TUB: variants seen among roughly 807,000 people sequenced by gnomAD.
TUB encodes TUB bipartite transcription factor.
Under a neutral mutation model 59.7 loss-of-function variants are expected in TUB, and 33 were observed. The observed-to-expected ratio is 0.55, with a 90% CI of 0.42 to 0.74. TUB has a LOEUF of 0.74. Among genes scored for constraint, TUB ranks in the 30% least tolerant of loss-of-function variants. The probability of loss-of-function intolerance (pLI) is 0.00; values close to 1 mark genes in which losing one functional copy is unlikely to be tolerated. For missense variants in TUB, 659 were observed against 672.0 expected (o/e 0.98, Z 0.21); for synonymous variants, 293 against 256.4 (o/e 1.14, Z -1.36).
chr11:8,101,553 G>A lies in TUB; in HGVS notation c.1455G>A (p.Pro485=), dbSNP rs147880022. The change falls in exon 12 of 12, where the codon CCG becomes CCA. Residue 485 remains proline, a synonymous_variant. Coordinates refer to ENST00000299506, the MANE Select transcript of TUB (RefSeq NM_177972.3). The part of the protein sequence containing the change: ...EDVFTMDYNY[P]LCALQAFAIA... ...TGTTCACCATGGATTACAACTACCC[G>A]CTGTGTGCACTGCAGGCCTTTGCCA... 441 of 1,614,238 alleles carry A rather than the reference G, an allele frequency of 2.7e-4. No homozygotes were observed. Among genetic ancestry groups the A allele is most frequent in the South Asian group, 1.7e-3 (151 of 91,084 alleles).
chr11:8,040,983 C>T (rs1176975613), intron 2 of TUB, among the ~76,000 whole-genome samples: 1 of 152,206 alleles, frequency 6.6e-6, no homozygotes, highest in African/African-American at 2.4e-5. Flanking sequence ...AGAATTAGAA[C>T]GCAGGCCACC....
At chr11:8,075,563 T>C (rs940731927) in intron 2 of TUB, 2 of 152,232 alleles carry the variant, frequency 1.3e-5, no homozygotes, top group East Asian at 1.9e-4. Context: ...GCAAACTTTA[T>C]TTTTGTCTCC....
intron 2 of TUB, among the ~76,000 whole-genome samples, chr11:8,045,304 T>C (rs1044191562): frequency 6.6e-6 from 1 of 152,230 alleles, no homozygotes; most frequent in Non-Finnish European, 1.5e-5. Flanking sequence ...AGAAGCTCTG[T>C]GTCAAGAACT....
At chr11:8,093,953 A>G (rs1196893274) in intron 3 of TUB, 93 bp from the exon 4 acceptor site, 18 of 1,531,886 alleles carry the variant, frequency 1.2e-5, no homozygotes, top group East Asian at 1.1e-4. Flanking sequence ...GGTGCAGTCA[A>G]AAATGCTGTG....
chr11:8,073,237 G>C (rs1430266996), intron 2 of TUB, among the ~76,000 whole-genome samples: 1 of 152,174 alleles, frequency 6.6e-6, no homozygotes, highest in Non-Finnish European at 1.5e-5. Flanking sequence ...TGGCTCTAGA[G>C]TCTGATATTT....
intron 2 of TUB, among the ~76,000 whole-genome samples, chr11:8,056,376 G>T (rs1364885206): frequency 2.6e-5 from 4 of 152,144 alleles, no homozygotes; most frequent in African/African-American, 7.2e-5. Flanking sequence ...GCGTGGGGGT[G>T]GCATGAGTGT....
At chr11:8,091,784 A>C (rs1400173769) in intron 3 of TUB, among the ~76,000 whole-genome samples, 4 of 152,062 alleles carry the variant, frequency 2.6e-5, no homozygotes, top group African/African-American at 9.7e-5. Flanking sequence ...CCCCAGCCCC[A>C]CCCTTTGCTG....
intron 1 of TUB, among the ~76,000 whole-genome samples, chr11:8,024,211 C>T (rs545538628): frequency 6.6e-6 from 1 of 152,346 alleles, no homozygotes; most frequent in South Asian, 2.1e-4. Flanking sequence ...TATTCCCTCA[C>T]GTATGCTCAG....
intron 9 of TUB, among the ~76,000 whole-genome samples, chr11:8,099,671 A>C (rs1108277): frequency 0.48 from 72,716 of 152,160 alleles, 20,020 homozygotes; most frequent in Middle Eastern, 0.66. Context: ...CAGTGAAGTA[A>C]GTATGTTCTT....
chr11:8,024,108 C>T (rs985828648), intron 1 of TUB, among the ~76,000 whole-genome samples: 1 of 152,244 alleles, frequency 6.6e-6, no homozygotes, highest in African/African-American at 2.4e-5. Flanking sequence ...AAGGTGTCTG[C>T]CTTCATGGCC....
intron 2 of TUB, 151 bp from the exon 3 acceptor site, chr11:8,089,918 G>A: frequency 8.2e-7 from 1 of 1,220,770 alleles, no homozygotes; most frequent in Non-Finnish European, 1.1e-6. Context: ...AGCCACCTGG[G>A]CCCTGTTTTG....
At chr11:8,052,338 A>C (rs371526769) in intron 2 of TUB, among the ~76,000 whole-genome samples, 7 of 152,298 alleles carry the variant, frequency 4.6e-5, no homozygotes, top group African/African-American at 1.7e-4. Flanking sequence ...GGATGTTAAT[A>C]TAAGTAAAAT....
upstream of TUB, among the ~76,000 whole-genome samples, chr11:8,080,446 A>G (rs1943527110): frequency 6.6e-6 from 1 of 152,066 alleles, no homozygotes; most frequent in Non-Finnish European, 1.5e-5. Flanking sequence ...CTTTCAGATG[A>G]TCTTTGTAGG....
chr11:8,032,402 G>C (rs748423707), intron 1 of TUB, among the ~76,000 whole-genome samples: 1 of 152,172 alleles, frequency 6.6e-6, no homozygotes, highest in Non-Finnish European at 1.5e-5. Flanking sequence ...CAGCATGGAC[G>C]GACACTCCTG....
intron 2 of TUB, among the ~76,000 whole-genome samples, chr11:8,043,514 G>C (rs768349792): frequency 7.2e-5 from 11 of 152,206 alleles, no homozygotes; most frequent in Non-Finnish European, 1.5e-4. Context: ...AGTTTGGAGA[G>C]TATTGCCATC....
chr11:8,095,018 A>G (rs1422466656), intron 4 of TUB, among the ~76,000 whole-genome samples: 1 of 152,188 alleles, frequency 6.6e-6, no homozygotes, highest in African/African-American at 2.4e-5. Flanking sequence ...GTGTATGCCA[A>G]TTGCAATCTT....
intron 1 of TUB, among the ~76,000 whole-genome samples, chr11:8,023,370 C>G (rs147250593): frequency 6.9e-4 from 105 of 152,316 alleles, no homozygotes; most frequent in Middle Eastern, 3.4e-3. Flanking sequence ...AAATATGATG[C>G]CTACATTTTT....
chr11:8,029,058 A>G (rs545415305), intron 1 of TUB, among the ~76,000 whole-genome samples: 2 of 152,240 alleles, frequency 1.3e-5, no homozygotes, highest in South Asian at 4.1e-4. Context: ...AAAATTAGCC[A>G]TAAATGTATG....
chr11:8,093,342 T>C (rs1304200823), intron 3 of TUB, among the ~76,000 whole-genome samples: 3 of 152,116 alleles, frequency 2.0e-5, no homozygotes, highest in Admixed American at 2.0e-4. Context: ...CTGGTGTGGC[T>C]GCAACTCTTG....
Sources: allele counts gnomAD v4.1 joint callset (sites outside exome capture counted in the v4.1 genomes callset), GRCh38; gene constraint gnomAD v4.1.1; transcripts MANE v1.5; gene names NCBI Gene and HGNC (gene_info 2026-07-23, HGNC 2026-07-21).